WDR88: variants seen among roughly 807,000 people sequenced by gnomAD.
The protein encoded by WDR88 is WD repeat-containing protein 88.
Under a neutral mutation model 46.8 loss-of-function variants are expected in WDR88, and 40 were observed. The observed-to-expected ratio is 0.86, with a 90% CI of 0.66 to 1.11. The LOEUF (loss-of-function observed/expected upper bound fraction) is 1.11, where lower values mean the gene tolerates loss of function less well. WDR88 is among the 50% of genes most tolerant of loss of function. The probability of loss-of-function intolerance (pLI) is 0.00; values close to 1 mark genes in which losing one functional copy is unlikely to be tolerated. For synonymous variants in WDR88, 235 were observed against 240.7 expected, an observed-to-expected ratio of 0.98 and a Z score of 0.22; for missense variants, 562 against 602.4, an observed-to-expected ratio of 0.93 and a Z score of 0.70.
chr19:33,147,972 A>G (rs1973554449), intron 4 of WDR88, among the ~76,000 whole-genome samples: 1 of 151,892 alleles, frequency 6.6e-6, no homozygotes. Flanking sequence ...TTCTGCTTGA[A>G]AGATGGGATG....
At chr19:33,157,677 GTGTATGTATGTATATATA>G (rs1445227571) in intron 7 of WDR88, among the ~76,000 whole-genome samples, 11 of 3,450 alleles carry the variant, frequency 3.2e-3, no homozygotes, top group African/African-American at 0.011. Flanking sequence ...ATGTGTGTGT[GTGTATGTATGTATATATA>G]TATATATATA....
intron 6 of WDR88, among the ~76,000 whole-genome samples, chr19:33,153,092 C>T (rs1416200625): frequency 6.6e-6 from 1 of 151,910 alleles, no homozygotes; most frequent in East Asian, 1.9e-4. Flanking sequence ...GCTCTGTTGC[C>T]CAGGCTGGAG....
chr19:33,141,060 C>A (rs763666402), intron 2 of WDR88, among the ~76,000 whole-genome samples: 4 of 151,146 alleles, frequency 2.6e-5, no homozygotes, highest in Non-Finnish European at 5.9e-5. Flanking sequence ...TCTCAGCCTC[C>A]CAAGTCGCTG....
chr19:33,132,851 C>A (rs1045103875), intron 1 of WDR88, among the ~76,000 whole-genome samples: 3 of 152,166 alleles, frequency 2.0e-5, no homozygotes, highest in Non-Finnish European at 4.4e-5. Context: ...ACGGGAAACT[C>A]AGAATAATAA....
intron 7 of WDR88, among the ~76,000 whole-genome samples, chr19:33,157,272 G>C (rs61039198): frequency 1.3e-5 from 2 of 151,274 alleles, no homozygotes; most frequent in South Asian, 2.1e-4. Flanking sequence ...TGAGGTGGGC[G>C]GATCACCTGA....
intron 7 of WDR88, among the ~76,000 whole-genome samples, chr19:33,159,052 GT>G (rs1973815560): frequency 6.6e-6 from 1 of 151,830 alleles, no homozygotes; most frequent in African/African-American, 2.4e-5. Context: ...TCCCTTGGCC[GT>G]GTGTGGTGGC....
Position 33,132,128 on chromosome 19 carries a change from C to T in WDR88, c.-42C>T. ...CGCGGGCGCGCGGCGCCACCGTTCC[C>T]ATCCAGGCTTGTCGGCGGCCACCGG... is the stretch of plus-strand genomic sequence containing the variant. On this transcript the variant is annotated 5_prime_UTR_variant, in exon 1 of 11. Transcript: ENST00000355868. 1 of 1,543,958 alleles carries T rather than the reference C, an allele frequency of 6.5e-7. No individual in the cohort carries two copies. The highest frequency in any genetic ancestry group is 2.2e-4 in the Middle Eastern group (1 of 4,540).
chr19:33,173,091 CAAAAAAAAAAAAAA>C (rs60495323), intron 10 of WDR88, among the ~76,000 whole-genome samples: 5 of 57,290 alleles, frequency 8.7e-5, no homozygotes, highest in Middle Eastern at 0.015. Flanking sequence ...GACTCTGTCT[CAAAAAAAAAAAAAA>C]AAAAAAAAAA....
chr19:33,145,085 G>A (rs10410058), intron 3 of WDR88, among the ~76,000 whole-genome samples, 153 bp downstream of exon 3: 61,207 of 151,814 alleles, frequency 0.4, 13,123 homozygotes, highest in South Asian at 0.61. Context: ...GGTCTCAAGC[G>A]ATTCTCCTCC....
rs1568373065 is a variant in WDR88, at chr19:33,172,384, G to C, written c.1186G>C (p.Asp396His). 1 of 1,614,040 alleles carries C rather than the reference G, an allele frequency of 6.2e-7. No homozygotes were observed. Among genetic ancestry groups the C allele is most frequent in the Non-Finnish European group, 8.5e-7 (1 of 1,179,978 alleles). Residue 396 changes from aspartate to histidine, a missense_variant, in exon 10 of 11, where the codon GAT becomes CAT. Physicochemically the swap from Asp to His is moderately conservative, Grantham distance 81. Transcript: ENST00000355868. ...GAGACTGTGGAATATTGAAGAAATTGATGAAATTCCTTTGGTAATCAAGTA... is the reference window on the plus strand; with the variant it reads ...GAGACTGTGGAATATTGAAGAAATTCATGAAATTCCTTTGGTAATCAAGTA... ...TMRLWNIEEI[D>H]EIPLVIKYKK...
At chr19:33,141,372 G>A (rs546957405) in intron 2 of WDR88, among the ~76,000 whole-genome samples, 1 of 152,152 alleles carries the variant, frequency 6.6e-6, no homozygotes, top group East Asian at 1.9e-4. Context: ...TGGGACTGCA[G>A]GAACAGGCTG....
chr19:33,141,234 T>TTTTTTTTTG (rs1218937178), intron 2 of WDR88, among the ~76,000 whole-genome samples: 10 of 108,162 alleles, frequency 9.2e-5, no homozygotes, highest in African/African-American at 3.5e-4. Context: ...CATGTTTTTT[T>TTTTTTTTTG]TTTTTTCTTT....
At chr19:33,153,745 G>A (rs1032546889) in intron 6 of WDR88, among the ~76,000 whole-genome samples, 1 of 152,120 alleles carries the variant, frequency 6.6e-6, no homozygotes, top group Non-Finnish European at 1.5e-5. Context: ...CACCCACCTC[G>A]GCCTCCCAAA....
chr19:33,162,804 C>T, intron 8 of WDR88, among the ~76,000 whole-genome samples: 1 of 151,850 alleles, frequency 6.6e-6, no homozygotes, highest in East Asian at 1.9e-4. Context: ...ATCACTTGAG[C>T]CCAGGAGGTT....
intron 2 of WDR88, chr19:33,142,878 A>AAAAAAAAAAAAG (rs1289318961): frequency 1.3e-4 from 19 of 142,868 alleles, no homozygotes; most frequent in African/African-American, 4.6e-4. Context: ...AAAAAAAAAA[A>AAAAAAAAAAAAG]AAGGCCGGGG....
At chr19:33,140,034 G>A (rs777319629) in intron 2 of WDR88, among the ~76,000 whole-genome samples, 50 of 152,136 alleles carry the variant, frequency 3.3e-4, no homozygotes, top group Admixed American at 7.9e-4. Flanking sequence ...CCCGCCCTCC[G>A]TAGCTGTCCT....
chr19:33,143,761 C>T (rs554150023), intron 2 of WDR88, among the ~76,000 whole-genome samples: 1 of 152,116 alleles, frequency 6.6e-6, no homozygotes, highest in Non-Finnish European at 1.5e-5. Context: ...TTCCATGACC[C>T]CAAAGTTAAC....
intron 7 of WDR88, among the ~76,000 whole-genome samples, chr19:33,157,912 A>ACGAAAG (rs1290206015): frequency 6.6e-6 from 1 of 151,498 alleles, no homozygotes; most frequent in East Asian, 2.0e-4. Flanking sequence ...TTAGGGGGCA[A>ACGAAAG]CGAAAGCCTC....
intron 2 of WDR88, among the ~76,000 whole-genome samples, chr19:33,141,240 T>C (rs12971979): frequency 1.4e-5 from 2 of 143,318 alleles, no homozygotes; most frequent in Admixed American, 1.4e-4. Context: ...TTTTTTTTTT[T>C]CTTTTTTGAC....
Sources: allele counts gnomAD v4.1 joint callset (sites outside exome capture counted in the v4.1 genomes callset), GRCh38; gene constraint gnomAD v4.1.1; transcripts MANE v1.5; gene names NCBI Gene and HGNC (gene_info 2026-07-23, HGNC 2026-07-21).